Variants in ESRRG observed in about 807,000 individuals in gnomAD.
ESRRG encodes estrogen-related receptor gamma.
In ESRRG, 13 loss-of-function variants were observed where a neutral mutation model predicts 44.0. The ratio of observed to expected loss-of-function variants is 0.30; its 90% CI spans 0.19 to 0.47. The LOEUF (loss-of-function observed/expected upper bound fraction) is 0.47. Ranked by LOEUF, ESRRG falls within the 20% of genes least tolerant of loss-of-function variation. The pLI is 1.00. For synonymous variants in ESRRG, 215 were observed against 214.6 expected (o/e 1.00, Z -0.02); for missense variants, 395 against 580.6 (o/e 0.68, Z 3.29).
chr1:216,740,830 C>T lies in ESRRG; in HGVS notation c.-13-63339G>A, dbSNP rs141814968. On this transcript the variant is annotated intron_variant, in intron 2 of 7. Coordinates refer to the ESRRG transcript ENST00000359162. ...AGAGATTATTTGCAGGCAGAGGTGC[C>T]CCTGTATTAAGCTTGACATTTATTG... Among the ~76,000 whole-genome samples, 321 of 151,824 alleles carry T rather than the reference C, an allele frequency of 2.1e-3. 1 individual carries two copies. The highest frequency in any genetic ancestry group is 7.6e-3 in the African/African-American group (315 of 41,388).
intron 2 of ESRRG, among the ~76,000 whole-genome samples, chr1:216,822,004 G>T (rs2095308579): frequency 6.6e-6 from 1 of 151,854 alleles, no homozygotes. Context: ...GCAGAAGGGG[G>T]GTTAGATCTT....
intron 2 of ESRRG, among the ~76,000 whole-genome samples, chr1:216,733,439 A>G (rs894435440): frequency 2.0e-5 from 3 of 152,132 alleles, no homozygotes; most frequent in African/African-American, 7.2e-5. Flanking sequence ...TTCTGCCCCA[A>G]CATTGACTTC....
At chr1:216,857,529 C>A (rs1031272642) in intron 2 of ESRRG, among the ~76,000 whole-genome samples, 1 of 151,942 alleles carries the variant, frequency 6.6e-6, no homozygotes, top group African/African-American at 2.4e-5. Flanking sequence ...CACCCACATA[C>A]TATCATATTT....
chr1:216,919,541 G>C (rs2061577855), intron 2 of ESRRG, among the ~76,000 whole-genome samples: 1 of 152,076 alleles, frequency 6.6e-6, no homozygotes, highest in Non-Finnish European at 1.5e-5. Context: ...AGTAAACAAA[G>C]TTGCTTCTTC....
chr1:216,813,078 C>T (rs146523734), intron 2 of ESRRG, among the ~76,000 whole-genome samples: 1 of 152,264 alleles, frequency 6.6e-6, no homozygotes, highest in East Asian at 1.9e-4. Context: ...AAGCTGGATG[C>T]AGTTGCTACA....
rs2041281933 is a variant in ESRRG at position 216,506,684 on chromosome 1, AG to A, written c.*254del. 2 of 571,580 alleles carry A rather than the reference AG, an allele frequency of 3.5e-6. No individual in the cohort carries two copies. Among genetic ancestry groups the A allele is most frequent in the South Asian group, 3.4e-5 (2 of 59,354 alleles). The allele number at this position is 571,580 out of a possible 1,614,324, so 35.4% of individuals were successfully genotyped here. On this transcript the variant is annotated 3_prime_UTR_variant, in exon 7 of 7. Coordinates refer to ENST00000408911, the MANE Select transcript of ESRRG (RefSeq NM_001438.4). The stretch of plus-strand genomic sequence containing the variant: ...GCAAAGAAATAAGGGAGGTGAAAGA[AG>A]AAAAGGAGAAAAAATAAAGAGAAAG...
At position 216,595,718 on chromosome 1, in the gene ESRRG, C is replaced by T. The variant is rs185233646; in HGVS notation, c.590-27620G>A. Reference sequence around the variant, plus strand: ...GGTATTCTTGGCTGTTTCCTCTCAACTTCTGATTCTTTAGAATGCTGAATT... The same window carrying T: ...GGTATTCTTGGCTGTTTCCTCTCAATTTCTGATTCTTTAGAATGCTGAATT... On this transcript the variant is annotated intron_variant, in intron 3 of 6. Transcript: ENST00000408911. 2.7e-3 allele frequency among the ~76,000 whole-genome samples: 408 copies of T among 152,290 alleles called. 5 individuals carry two copies. Among genetic ancestry groups the T allele is most frequent in the Non-Finnish European group, 4.4e-3 (300 of 68,018 alleles).
At chr1:216,531,208 AAAT>A (rs554158828) in intron 5 of ESRRG, among the ~76,000 whole-genome samples, 57 of 152,254 alleles carry the variant, frequency 3.7e-4, no homozygotes, top group African/African-American at 1.3e-3. Flanking sequence ...CTCCACACTC[AAAT>A]AATATTAGAA....
chr1:216,757,107 A>G (rs1158304759), intron 2 of ESRRG, among the ~76,000 whole-genome samples: 1 of 151,982 alleles, frequency 6.6e-6, no homozygotes, highest in Non-Finnish European at 1.5e-5. Flanking sequence ...GCTCTAAACA[A>G]TTCACTAATT....
chr1:217,061,615 A>C (rs1243136303), intron 1 of ESRRG, among the ~76,000 whole-genome samples: 1 of 152,158 alleles, frequency 6.6e-6, no homozygotes, highest in Non-Finnish European at 1.5e-5. Context: ...GCTTGTAGGA[A>C]TTATTACTCC....
At chr1:217,086,207 GAGA>G (rs2092076385) in intron 1 of ESRRG, among the ~76,000 whole-genome samples, 3 of 152,280 alleles carry the variant, frequency 2.0e-5, no homozygotes, top group Admixed American at 1.3e-4. Flanking sequence ...CTGGAGAAAA[GAGA>G]AGATCTGCAT....
intron 1 of ESRRG, among the ~76,000 whole-genome samples, chr1:216,715,447 G>T (rs74642143): frequency 0.12 from 18,612 of 152,062 alleles, 1,288 homozygotes; most frequent in Middle Eastern, 0.19. Context: ...TGGCTGAAAA[G>T]AAATTAAAAA....
intron 2 of ESRRG, among the ~76,000 whole-genome samples, chr1:216,849,775 T>G (rs1359032894): frequency 1.3e-5 from 2 of 152,128 alleles, no homozygotes; most frequent in African/African-American, 4.8e-5. Context: ...CCAATAGCAC[T>G]TTTTCTGGAT....
intron 1 of ESRRG, chr1:216,959,580 G>A (rs1183825604): frequency 2.0e-5 from 3 of 152,116 alleles, no homozygotes; most frequent in Non-Finnish European, 4.4e-5. Context: ...TCAGCTGCTT[G>A]GAGGGCCGAG....
chr1:217,122,795 C>T (rs558547546), intron 1 of ESRRG, among the ~76,000 whole-genome samples: 5 of 151,858 alleles, frequency 3.3e-5, no homozygotes, highest in South Asian at 4.2e-4. Flanking sequence ...CTCAGCCTCC[C>T]GAGTAGCTGG....
At chr1:217,050,869 T>A (rs1045902706) in intron 1 of ESRRG, among the ~76,000 whole-genome samples, 5 of 151,988 alleles carry the variant, frequency 3.3e-5, no homozygotes, top group African/African-American at 1.2e-4. Flanking sequence ...TAGAAGACCT[T>A]TCTAGGGCTC....
At chr1:216,762,039 A>G (rs946924735) in intron 2 of ESRRG, among the ~76,000 whole-genome samples, 2 of 152,160 alleles carry the variant, frequency 1.3e-5, no homozygotes, top group Non-Finnish European at 2.9e-5. Context: ...AATTCTCACA[A>G]TAACACTCTA....
At chr1:217,054,309 G>A (rs1435249548) in intron 1 of ESRRG, among the ~76,000 whole-genome samples, 1 of 152,096 alleles carries the variant, frequency 6.6e-6, no homozygotes, top group East Asian at 1.9e-4. Flanking sequence ...GAGCATAAAT[G>A]CTCAAGAAAC....
upstream of ESRRG, among the ~76,000 whole-genome samples, chr1:216,727,066 T>A (rs986475838): frequency 9.9e-5 from 15 of 152,228 alleles, no homozygotes; most frequent in African/African-American, 3.6e-4. Flanking sequence ...CTTTCTTTTC[T>A]GAAAATTAAC....
Sources: allele counts gnomAD v4.1 joint callset (sites outside exome capture counted in the v4.1 genomes callset), GRCh38; gene constraint gnomAD v4.1.1; transcripts MANE v1.5; gene names NCBI Gene and HGNC (gene_info 2026-07-23, HGNC 2026-07-21).